Variants in PSD2 observed in about 807,000 individuals in gnomAD.
The protein encoded by PSD2 is pleckstrin and Sec7 domain containing 2, also known as PH and SEC7 domain-containing protein 2.
A neutral mutation model predicts 69.8 loss-of-function variants in PSD2; 38 were observed. The ratio of observed to expected loss-of-function variants is 0.54; its 90% CI spans 0.42 to 0.71. The LOEUF (loss-of-function observed/expected upper bound fraction) is 0.71. Ranked by LOEUF, PSD2 falls within the 30% of genes least tolerant of loss-of-function variation. The pLI, the probability that PSD2 is intolerant of heterozygous loss-of-function variation, is 0.00. For synonymous variants in PSD2, 412 were observed against 423.0 expected (o/e 0.97, Z 0.32); for missense variants, 943 against 1,014.5 (o/e 0.93, Z 0.96).
In PSD2 at chr5:139,814,503, C is replaced by T. The variant is rs142950654; in HGVS notation, c.1016+139C>T. ...ACAGTTCCCCAAGGACACCTCCTCC[C>T]GCCACTGTCCTCATTCCTGGCCTCG... is the stretch of plus-strand genomic sequence containing the variant. On this transcript the variant is annotated intron_variant, in intron 4 of 14. Transcript: ENST00000274710. The surrounding 1 kb of genome is among the most constrained non-coding windows in gnomAD (Gnocchi z 4.4). The T allele has an allele frequency of 4.4e-3, 3,173 of 715,544 alleles. 29 individuals carry two copies. Among genetic ancestry groups the T allele is most frequent in the South Asian group, 0.022 (1,001 of 45,998 alleles). The allele number at this position is 715,544 out of a possible 1,614,324, so 44.3% of individuals were successfully genotyped here.
chr5:139,790,268 G>A, the PSD2 span, among the ~76,000 whole-genome samples: 6 of 152,216 alleles, frequency 3.9e-5, no homozygotes, highest in Non-Finnish European at 8.8e-5. Flanking sequence ...AGGAAGAGGA[G>A]GTCAGTGTGG....
chr5:139,827,451 T>C (rs1375712121), intron 7 of PSD2, among the ~76,000 whole-genome samples: 1 of 152,230 alleles, frequency 6.6e-6, no homozygotes, highest in Non-Finnish European at 1.5e-5. Context: ...GCTGGGCTTT[T>C]TCTAGGCACA....
intron 5 of PSD2, among the ~76,000 whole-genome samples, chr5:139,821,493 G>A (rs1450822894): frequency 2.0e-5 from 3 of 152,210 alleles, no homozygotes; most frequent in Admixed American, 6.5e-5. Context: ...ACATGAAAGA[G>A]AGGGGATGAC....
the PSD2 span, among the ~76,000 whole-genome samples, chr5:139,789,136 C>T: frequency 6.6e-6 from 1 of 152,200 alleles, no homozygotes; most frequent in Admixed American, 6.5e-5. Context: ...CCCAGGCATG[C>T]GTTTGTCCCT....
chr5:139,810,895 G>T (rs1759941681), intron 2 of PSD2, among the ~76,000 whole-genome samples: 1 of 151,990 alleles, frequency 6.6e-6, no homozygotes. Context: ...CTTGCAGATT[G>T]GACTGATGGT....
chr5:139,762,901 G>A, the PSD2 span, among the ~76,000 whole-genome samples: 8 of 152,220 alleles, frequency 5.3e-5, no homozygotes, highest in Non-Finnish European at 8.8e-5. Context: ...CAGCGGAGTC[G>A]CTGGGGAGAG....
chr5:139,757,943 A>G, the PSD2 span, among the ~76,000 whole-genome samples: 1,379 of 152,288 alleles, frequency 9.1e-3, 18 homozygotes, highest in African/African-American at 0.031. Context: ...TGGGAGGCCA[A>G]GGTGGGAGGA....
chr5:139,821,479 T>C (rs7723670), intron 5 of PSD2, among the ~76,000 whole-genome samples: 41,461 of 151,934 alleles, frequency 0.27, 6,200 homozygotes, highest in African/African-American at 0.4. Flanking sequence ...GCTCAGCTGG[T>C]GGCACATGAA....
chr5:139,792,899 CTTCCTTCCTTCTTTCTTTCTTTT>C (rs1561587841), upstream of PSD2, among the ~76,000 whole-genome samples: 1 of 118,120 alleles, frequency 8.5e-6, no homozygotes, highest in African/African-American at 3.3e-5. Context: ...TCCTTCCTTC[CTTCCTTCCTTCTTTCTTTCTTTT>C]TTCTTTCTTT....
chr5:139,842,511 T>C lies in PSD2; in HGVS notation c.*37T>C, dbSNP rs1190045988. Reference sequence around the variant, plus strand: ...TTGCAGACCCCAGGGTGGGCAGATGTCTCCAGTGGGGTCAGTGAGCACAAT... The same window carrying C: ...TTGCAGACCCCAGGGTGGGCAGATGCCTCCAGTGGGGTCAGTGAGCACAAT... On this transcript the variant is annotated 3_prime_UTR_variant, in exon 15 of 15. Coordinates refer to ENST00000274710, the MANE Select transcript of PSD2 (RefSeq NM_032289.4). The C allele has an allele frequency of 1.3e-6, 2 of 1,581,886 alleles. 1 individual carries two copies. Among genetic ancestry groups the C allele is most frequent in the South Asian group, 2.2e-5 (2 of 90,244 alleles).
intron 8 of PSD2, among the ~76,000 whole-genome samples, chr5:139,834,118 A>T (rs972653933): frequency 1.3e-5 from 2 of 152,070 alleles, no homozygotes; most frequent in African/African-American, 4.8e-5. Context: ...CATTATCATC[A>T]CCACAAGGAA....
At chr5:139,792,468 A>G (rs573413085), upstream of PSD2, among the ~76,000 whole-genome samples, 1 of 151,862 alleles carries the variant, frequency 6.6e-6, no homozygotes, top group African/African-American at 2.4e-5. Flanking sequence ...GGGACCAGTC[A>G]AGGGCCAGGC....
chr5:139,823,162 G>T lies in PSD2; in HGVS notation c.1269+378G>T, dbSNP rs138300119. ...AAATCCCCGGCCCCTACCAGGCCAAGCAGTGAAGTGACTGGTGTGGGACGC... is the reference window on the plus strand; with the variant it reads ...AAATCCCCGGCCCCTACCAGGCCAATCAGTGAAGTGACTGGTGTGGGACGC... On this transcript the variant is annotated intron_variant, in intron 7 of 14. Transcript: ENST00000274710. Among the ~76,000 whole-genome samples, 882 of 152,330 alleles carry T rather than the reference G, an allele frequency of 5.8e-3. 2 individuals are homozygous for T. The highest frequency in any genetic ancestry group is 0.019 in the African/African-American group (800 of 41,576).
rs1327126165 is a variant in PSD2, at chr5:139,816,942, TG to T, written c.1017-538del. 2.6e-5 allele frequency among the ~76,000 whole-genome samples: 4 copies of T among 152,244 alleles called. No homozygotes were observed. The East Asian group carries it at 7.7e-4, about 29-fold the overall frequency. On this transcript the variant is annotated intron_variant, in intron 4 of 14. Coordinates refer to ENST00000274710, the MANE Select transcript of PSD2 (RefSeq NM_032289.4). ...ATGCCGCACGTCCATTCCATCTCCTTGTCTTGTGGATTCTGCCCCCTAAATT... is the reference window on the plus strand; with the variant it reads ...ATGCCGCACGTCCATTCCATCTCCTTTCTTGTGGATTCTGCCCCCTAAATT...
At chr5:139,802,664 T>C (rs1472052720) in intron 1 of PSD2, among the ~76,000 whole-genome samples, 1 of 152,130 alleles carries the variant, frequency 6.6e-6, no homozygotes, top group Non-Finnish European at 1.5e-5. Flanking sequence ...GGAAGTCAGT[T>C]GGGCATAGAG....
At position 139,839,939 on chromosome 5, in the gene PSD2, G is replaced by C; in HGVS notation, c.1969-88G>C. 1 of 1,465,304 alleles carries C rather than the reference G, an allele frequency of 6.8e-7. No individual in the cohort carries two copies. Among genetic ancestry groups the C allele is most frequent in the Non-Finnish European group, 9.4e-7 (1 of 1,060,166 alleles). 90.8% of individuals were successfully genotyped at this position (1,465,304 alleles called of 1,614,324 possible). ...GCTGGCTAGGCCTTCATTTCCCTTT[G>C]GTGGAGCAGCTCCTGGTAGAACAGG... is the stretch of plus-strand genomic sequence containing the variant. On this transcript the variant is annotated intron_variant, in intron 13 of 14. Transcript: ENST00000274710. The surrounding 1 kb of genome is among the most constrained non-coding windows in gnomAD (Gnocchi z 5.1).
At chr5:139,797,837 G>T (rs921454921) in intron 1 of PSD2, among the ~76,000 whole-genome samples, 1 of 152,186 alleles carries the variant, frequency 6.6e-6, no homozygotes, top group African/African-American at 2.4e-5. Flanking sequence ...ACTCAGACCT[G>T]TGTCCCCATC....
chr5:139,807,948 A>G (rs1336904908), intron 1 of PSD2, among the ~76,000 whole-genome samples: 2 of 152,224 alleles, frequency 1.3e-5, no homozygotes, highest in Middle Eastern at 3.2e-3. Flanking sequence ...TCTGCATTGT[A>G]CCAAGTCCCT....
intron 1 of PSD2, among the ~76,000 whole-genome samples, chr5:139,798,242 G>A (rs377078972): frequency 2.0e-5 from 3 of 152,222 alleles, no homozygotes; most frequent in East Asian, 1.9e-4. Flanking sequence ...TGGAGGGGGA[G>A]GGGCCCATGT....
Sources: allele counts gnomAD v4.1 joint callset (sites outside exome capture counted in the v4.1 genomes callset), GRCh38; gene constraint gnomAD v4.1.1; non-coding constraint Gnocchi (gnomAD v3.1); transcripts MANE v1.5; gene names NCBI Gene and HGNC (gene_info 2026-07-23, HGNC 2026-07-21).